PTPRD: variants seen among roughly 807,000 people sequenced by gnomAD.
The protein encoded by PTPRD is receptor-type tyrosine-protein phosphatase delta.
PTPRD carries 34 observed loss-of-function variants against 214.5 expected under a neutral mutation model. The ratio of observed to expected loss-of-function variants is 0.16; its 90% confidence interval spans 0.12 to 0.21. PTPRD has a LOEUF of 0.21. Ranked by LOEUF, PTPRD falls within the 10% of genes least tolerant of loss-of-function variation. The pLI, the probability that PTPRD is intolerant of heterozygous loss-of-function variation, is 1.00. For missense variants in PTPRD, 2,545 were observed against 2,398.7 expected (o/e 1.06, Z -1.27); for synonymous variants, 1,128 against 845.7 (o/e 1.33, Z -5.79).
intron 9 of PTPRD, among the ~76,000 whole-genome samples, chr9:9,210,561 A>G (rs1395382856): frequency 6.6e-6 from 1 of 152,082 alleles, no homozygotes; most frequent in East Asian, 1.9e-4. Context: ...CTTCTTTTGA[A>G]TCATATTTAA....
In PTPRD at chr9:8,809,384, G is replaced by T. The variant is rs533267830; in HGVS notation, c.-103-75438C>A. 7.2e-5 allele frequency among the ~76,000 whole-genome samples: 11 copies of T among 152,212 alleles called. No homozygotes were observed. In the South Asian group the frequency reaches 2.3e-3, roughly 32 times the overall value. ...CTGCATCTTACAGGTGGAAAAACGA[G>T]ATTTCCAGAGGTTGACTGACTCCTC... is the stretch of plus-strand genomic sequence containing the variant. On this transcript the variant is annotated intron_variant, in intron 11 of 45. Coordinates refer to ENST00000381196, the MANE Select transcript of PTPRD (RefSeq NM_002839.4).
intron 2 of PTPRD, among the ~76,000 whole-genome samples, chr9:10,430,979 AAAT>A (rs1165347533): frequency 1.8e-4 from 27 of 152,116 alleles, no homozygotes; most frequent in African/African-American, 6.5e-4. Context: ...TTATATACAT[AAAT>A]AATAACCTAT....
chr9:8,894,058 G>C (rs568607698), intron 11 of PTPRD, among the ~76,000 whole-genome samples: 17 of 152,072 alleles, frequency 1.1e-4, no homozygotes, highest in African/African-American at 4.1e-4. Context: ...GCAGCAATAA[G>C]AATAACCAAT....
intron 3 of PTPRD, among the ~76,000 whole-genome samples, chr9:10,060,910 TTCTTTCTTTC>T (rs1286958514): frequency 6.0e-5 from 6 of 100,782 alleles, no homozygotes; most frequent in Admixed American, 1.1e-4. Context: ...CTTTCTTTCT[TTCTTTCTTTC>T]TTTCTTTCTT....
chr9:10,183,870 A>G (rs1407157630), intron 3 of PTPRD, among the ~76,000 whole-genome samples: 1 of 152,224 alleles, frequency 6.6e-6, no homozygotes, highest in Non-Finnish European at 1.5e-5. Flanking sequence ...AGAACCACAA[A>G]GGAGAGATAA....
chr9:8,448,697 C>T (rs971269257), intron 34 of PTPRD, among the ~76,000 whole-genome samples: 1 of 152,076 alleles, frequency 6.6e-6, no homozygotes, highest in Admixed American at 6.5e-5. Flanking sequence ...TGAAGAGTTA[C>T]TAGTTACTAT....
Position 9,860,116 on chromosome 9 carries a change from A to G in PTPRD, c.-368+78391T>C, listed in dbSNP as rs539885050. On this transcript the variant is annotated intron_variant, in intron 5 of 45. Transcript: ENST00000381196. Reference sequence around the variant, plus strand: ...CACATGGCCATGAACAATATCTACTATAAAACAAAAGCCAAATAATTGGTA... The same window carrying G: ...CACATGGCCATGAACAATATCTACTGTAAAACAAAAGCCAAATAATTGGTA... Among the ~76,000 whole-genome samples, 27 of 152,362 alleles carry G rather than the reference A, an allele frequency of 1.8e-4. No individual in the cohort carries two copies. The South Asian group carries it at 5.4e-3, about 30-fold the overall frequency.
At chr9:9,908,160 A>C (rs1021149039) in intron 5 of PTPRD, among the ~76,000 whole-genome samples, 3 of 152,186 alleles carry the variant, frequency 2.0e-5, no homozygotes, top group East Asian at 3.9e-4. Context: ...GGAAAAGTCC[A>C]TGGAGATTGA....
intron 3 of PTPRD, among the ~76,000 whole-genome samples, chr9:10,144,091 A>G (rs2099006407): frequency 6.6e-6 from 1 of 152,172 alleles, no homozygotes; most frequent in African/African-American, 2.4e-5. Context: ...ATTTCCAATT[A>G]CTAAAGAAAA....
intron 2 of PTPRD, among the ~76,000 whole-genome samples, chr9:10,413,201 T>A (rs1481574466): frequency 6.6e-6 from 1 of 151,916 alleles, no homozygotes; most frequent in East Asian, 1.9e-4. Context: ...ATTCTATATC[T>A]AGAAAACCCC....
chr9:8,767,049 C>T (rs1418984799), intron 11 of PTPRD, among the ~76,000 whole-genome samples: 1 of 152,082 alleles, frequency 6.6e-6, no homozygotes, highest in African/African-American at 2.4e-5. Flanking sequence ...ATAGATAATG[C>T]CCCCAAATCA....
chr9:8,609,843 A>AT (rs1393280928), intron 14 of PTPRD, among the ~76,000 whole-genome samples: 2 of 152,058 alleles, frequency 1.3e-5, no homozygotes, highest in South Asian at 2.1e-4. Context: ...TTTTAACCGT[A>AT]TTTTTTCCTT....
intron 3 of PTPRD, among the ~76,000 whole-genome samples, chr9:10,235,890 C>T (rs1246277182): frequency 6.6e-6 from 1 of 151,916 alleles, no homozygotes; most frequent in African/African-American, 2.4e-5. Context: ...TTGTGTGAGA[C>T]ATAACCTTTG....
Position 8,517,837 on chromosome 9 carries a change from A to G in PTPRD, c.1543+11T>C, listed in dbSNP as rs79838662. On this transcript the variant is annotated intron_variant, in intron 21 of 45. Coordinates refer to ENST00000381196, the MANE Select transcript of PTPRD (RefSeq NM_002839.4). ...CCCTCCTGCCCTATTTCCCTCCTCA[A>G]CCAAACTTACCTCCTGTCTGAGTGA... The G allele has an allele frequency of 6.4e-3, 10,357 of 1,606,354 alleles. 59 individuals are homozygous for G. The highest frequency in any genetic ancestry group is 6.6e-3 in the Non-Finnish European group (7,731 of 1,175,704).
At chr9:8,814,905 T>C (rs2096889262) in intron 11 of PTPRD, among the ~76,000 whole-genome samples, 1 of 152,208 alleles carries the variant, frequency 6.6e-6, no homozygotes, top group Non-Finnish European at 1.5e-5. Context: ...TTCACATAGC[T>C]TTCTGGAGAA....
At chr9:10,405,986 G>T (rs1396144251) in intron 2 of PTPRD, among the ~76,000 whole-genome samples, 1 of 151,018 alleles carries the variant, frequency 6.6e-6, no homozygotes, top group Non-Finnish European at 1.5e-5. Context: ...AATGTTATAA[G>T]GATTAATCAC....
At chr9:8,326,143 G>C (rs1384151907) in intron 44 of PTPRD, among the ~76,000 whole-genome samples, 2 of 152,178 alleles carry the variant, frequency 1.3e-5, no homozygotes, top group South Asian at 2.1e-4. Context: ...TCCCTCTCTT[G>C]TGCTACTTTT....
chr9:8,659,817 C>T (rs905887922), intron 12 of PTPRD, among the ~76,000 whole-genome samples: 47 of 152,222 alleles, frequency 3.1e-4, no homozygotes, highest in African/African-American at 9.1e-4. Context: ...TTAATATCAA[C>T]GTTCTCTAAA....
intron 9 of PTPRD, among the ~76,000 whole-genome samples, chr9:9,191,035 A>G (rs2099934824): frequency 6.6e-6 from 1 of 152,080 alleles, no homozygotes; most frequent in African/African-American, 2.4e-5. Flanking sequence ...CCTCCCCTTG[A>G]ATGTAGGCTG....
Sources: allele counts gnomAD v4.1 joint callset (sites outside exome capture counted in the v4.1 genomes callset), GRCh38; gene constraint gnomAD v4.1.1; transcripts MANE v1.5; gene names NCBI Gene and HGNC (gene_info 2026-07-23, HGNC 2026-07-21).